Variants in USP47 observed in about 807,000 individuals in gnomAD.
USP47 encodes ubiquitin carboxyl-terminal hydrolase 47.
A neutral mutation model predicts 165.1 loss-of-function variants in USP47; 35 were observed. That is an observed-to-expected ratio of 0.21 (90% CI 0.16 to 0.28). The LOEUF (loss-of-function observed/expected upper bound fraction) is 0.28, where lower values mean the gene tolerates loss of function less well. Among genes scored for constraint, USP47 ranks in the 10% least tolerant of loss-of-function variants. USP47 has a pLI of 1.00. For missense variants in USP47, 1,277 were observed against 1,607.4 expected (o/e 0.79, Z 3.52); for synonymous variants, 531 against 544.5 (o/e 0.98, Z 0.35).
chr11:11,950,014 A>C lies in USP47; in HGVS notation c.3464+10A>C. On this transcript the variant is annotated intron_variant, in intron 23 of 27. Transcript: ENST00000527733. ...AGCTCAGTATTGACAGGTAAAGTAAAATTAATGTCATCAGCGATTTGAAGA... is the reference window on the plus strand; with the variant it reads ...AGCTCAGTATTGACAGGTAAAGTAACATTAATGTCATCAGCGATTTGAAGA... 1 of 1,567,148 alleles carries C rather than the reference A, an allele frequency of 6.4e-7. No homozygotes were observed. Among genetic ancestry groups the C allele is most frequent in the Non-Finnish European group, 8.8e-7 (1 of 1,141,138 alleles).
chr11:11,853,812 C>A (rs913026947), intron 1 of USP47, among the ~76,000 whole-genome samples: 12 of 152,096 alleles, frequency 7.9e-5, no homozygotes, highest in African/African-American at 2.9e-4. Context: ...TTTTGATGTT[C>A]TTTAAAACAT....
At chr11:11,887,781 C>T (rs1003277640) in intron 3 of USP47, among the ~76,000 whole-genome samples, 1 of 152,212 alleles carries the variant, frequency 6.6e-6, no homozygotes, top group South Asian at 2.1e-4. Flanking sequence ...ACATTCTTCT[C>T]ATCACCACAC....
At chr11:11,894,639 T>C (rs369860464) in intron 4 of USP47, among the ~76,000 whole-genome samples, 2 of 152,174 alleles carry the variant, frequency 1.3e-5, no homozygotes, top group African/African-American at 2.4e-5. Context: ...TCTTGAGATA[T>C]TTGCTTTGTC....
intron 1 of USP47, among the ~76,000 whole-genome samples, chr11:11,861,844 A>T (rs554812342): frequency 2.0e-5 from 3 of 152,190 alleles, no homozygotes; most frequent in Non-Finnish European, 2.9e-5. Flanking sequence ...AACAAATGTG[A>T]TATAGTGACA....
intron 8 of USP47, among the ~76,000 whole-genome samples, chr11:11,918,274 A>G (rs531077434): frequency 7.9e-5 from 12 of 152,252 alleles, no homozygotes; most frequent in African/African-American, 2.9e-4. Flanking sequence ...TGTTCTTCAA[A>G]AAATATCAGT....
intron 4 of USP47, among the ~76,000 whole-genome samples, chr11:11,895,016 A>G (rs1851763357): frequency 6.6e-6 from 1 of 152,138 alleles, no homozygotes; most frequent in Non-Finnish European, 1.5e-5. Flanking sequence ...GTTATTAAAT[A>G]GTATTTTAAT....
intron 1 of USP47, among the ~76,000 whole-genome samples, chr11:11,877,388 G>T (rs1249973469): frequency 2.0e-5 from 3 of 152,132 alleles, no homozygotes; most frequent in Non-Finnish European, 4.4e-5. Context: ...GAATTTAGCA[G>T]TGGCTAGCTT....
intron 3 of USP47, 52 bp from the exon 4 acceptor site, chr11:11,891,916 T>C: frequency 6.4e-7 from 1 of 1,574,516 alleles, no homozygotes; most frequent in Non-Finnish European, 8.6e-7. Flanking sequence ...TGAATGCTGT[T>C]GTTTCAGCAA....
intron 4 of USP47, among the ~76,000 whole-genome samples, chr11:11,897,322 A>G (rs1336978201): frequency 6.6e-6 from 1 of 151,970 alleles, no homozygotes; most frequent in Non-Finnish European, 1.5e-5. Flanking sequence ...TACTGAACAT[A>G]TTACTCTTAA....
At chr11:11,888,141 A>G (rs1437119186) in intron 3 of USP47, among the ~76,000 whole-genome samples, 2 of 152,198 alleles carry the variant, frequency 1.3e-5, no homozygotes, top group Non-Finnish European at 2.9e-5. Context: ...ACCTAACATT[A>G]CAACTAAAAG....
chr11:11,885,656 C>A (rs889180112), intron 3 of USP47, among the ~76,000 whole-genome samples: 4 of 152,094 alleles, frequency 2.6e-5, no homozygotes, highest in African/African-American at 9.7e-5. Context: ...ATACTCTGAC[C>A]CCAGGATCCC....
intron 1 of USP47, among the ~76,000 whole-genome samples, chr11:11,851,660 A>G (rs1848734778): frequency 1.3e-5 from 2 of 152,098 alleles, no homozygotes; most frequent in Non-Finnish European, 2.9e-5. Flanking sequence ...TTTCCCTCTT[A>G]TAGTTTTTGT....
chr11:11,881,886 G>A (rs962454586), intron 2 of USP47, among the ~76,000 whole-genome samples: 1 of 152,084 alleles, frequency 6.6e-6, no homozygotes, highest in Non-Finnish European at 1.5e-5. Flanking sequence ...TTGGGGATTA[G>A]GTTTCAGCAT....
chr11:11,899,142 C>G (rs1852032019), intron 5 of USP47, among the ~76,000 whole-genome samples: 1 of 152,108 alleles, frequency 6.6e-6, no homozygotes. Flanking sequence ...ATCAGCATAA[C>G]CAGAGTTTTG....
intron 1 of USP47, among the ~76,000 whole-genome samples, chr11:11,848,853 C>T (rs1243676884): frequency 6.6e-6 from 1 of 152,162 alleles, no homozygotes; most frequent in Non-Finnish European, 1.5e-5. Context: ...TCGTGATACG[C>T]CTGCCTCGGC....
chr11:11,869,724 A>G (rs542550330), intron 1 of USP47, among the ~76,000 whole-genome samples: 10 of 152,186 alleles, frequency 6.6e-5, no homozygotes, highest in Non-Finnish European at 1.5e-4. Context: ...TTTAGTTTCT[A>G]TTATGATAGT....
At chr11:11,888,319 G>A (rs1175074533) in intron 3 of USP47, among the ~76,000 whole-genome samples, 1 of 152,026 alleles carries the variant, frequency 6.6e-6, no homozygotes, top group Non-Finnish European at 1.5e-5. Context: ...TAAACTGCTA[G>A]TTAGACTAAT....
intron 2 of USP47, 127 bp downstream of exon 2, chr11:11,880,507 C>T (rs1418340093): frequency 3.3e-6 from 2 of 614,440 alleles, no homozygotes; most frequent in African/African-American, 3.8e-5. Context: ...CAGTAAGAGC[C>T]TATGTGCAGC....
chr11:11,952,622 C>T, intron 24 of USP47, 119 bp from the exon 25 acceptor site: 4 of 1,200,488 alleles, frequency 3.3e-6, no homozygotes, highest in Non-Finnish European at 4.4e-6. Context: ...TTTCTTGTGC[C>T]CACTTTTTAA....
Sources: gnomAD v4.1 joint callset for allele counts (sites outside exome capture counted in the v4.1 genomes callset) on GRCh38, gnomAD v4.1.1 for gene constraint, MANE v1.5 for transcripts, NCBI Gene and HGNC (gene_info 2026-07-23, HGNC 2026-07-21) for gene names.